Variants in CEP63 observed in about 807,000 individuals in gnomAD.
The protein encoded by CEP63 is centrosomal protein of 63 kDa.
Under a neutral mutation model 89.1 loss-of-function variants are expected in CEP63, and 84 were observed. The observed-to-expected ratio is 0.94, with a 90% CI of 0.79 to 1.13. CEP63 has a LOEUF of 1.13. Ranked by LOEUF, CEP63 falls within the 50% of genes most tolerant of loss-of-function variation. CEP63 has a pLI of 0.00. For synonymous variants in CEP63, 267 were observed against 272.5 expected (o/e 0.98, Z 0.20); for missense variants, 838 against 813.3 (o/e 1.03, Z -0.37).
At chr3:134,547,550 A>C in intron 9 of CEP63, 78 bp downstream of exon 9, 1 of 1,222,910 alleles carries the variant, frequency 8.2e-7, no homozygotes, top group Non-Finnish European at 1.2e-6. Flanking sequence ...AAATGAATGT[A>C]ATAGTCATAG....
chr3:134,628,993 A>G, the CEP63 span, among the ~76,000 whole-genome samples: 1 of 152,208 alleles, frequency 6.6e-6, no homozygotes, highest in Non-Finnish European at 1.5e-5. Context: ...TCTGTTACTT[A>G]ACCTGCATTC....
intron 6 of CEP63, among the ~76,000 whole-genome samples, chr3:134,539,082 C>T (rs1028939301): frequency 1.3e-5 from 2 of 151,992 alleles, no homozygotes; most frequent in South Asian, 2.1e-4. Context: ...TGTATTTATC[C>T]TTCTCCCTTA....
rs912210407 is a variant in CEP63, at chr3:134,559,285, C to T, written c.1809C>T (p.Ile603=). ...SRVLSPLSPQ[I]SPCSSTRSLT... is the part of the protein sequence containing the mutation. The stretch of plus-strand genomic sequence containing the variant: ...TGCTAAGCCCCCTGAGTCCTCAAAT[C>T]AGCCCTTGCAGCTCCACCAGGTCTT... The change falls in exon 14 of 15, where the codon ATC becomes ATT. Residue 603 remains isoleucine, a synonymous_variant. Transcript: ENST00000675561. 15 of 1,614,042 alleles carry T rather than the reference C, an allele frequency of 9.3e-6. No homozygotes were observed. Among genetic ancestry groups the T allele is most frequent in the Non-Finnish European group, 1.1e-5 (13 of 1,180,034 alleles).
the CEP63 span, among the ~76,000 whole-genome samples, chr3:134,752,103 G>C: frequency 6.6e-6 from 1 of 152,172 alleles, no homozygotes; most frequent in Non-Finnish European, 1.5e-5. Context: ...GAGCAGAGAA[G>C]AGGGCCAAGA....
chr3:134,579,301 C>G (rs1278355338), downstream of CEP63, among the ~76,000 whole-genome samples: 1 of 145,942 alleles, frequency 6.9e-6, no homozygotes, highest in African/African-American at 2.5e-5. Context: ...TGCACTTTAC[C>G]GGGAATAATG....
At chr3:134,722,928 G>T in the CEP63 span, among the ~76,000 whole-genome samples, 1 of 152,178 alleles carries the variant, frequency 6.6e-6, no homozygotes, top group African/African-American at 2.4e-5. Context: ...AGCAAAAGCT[G>T]ATAGCATGCC....
chr3:134,724,539 G>A, the CEP63 span, among the ~76,000 whole-genome samples: 1 of 152,202 alleles, frequency 6.6e-6, no homozygotes, highest in African/African-American at 2.4e-5. Flanking sequence ...AGAAGTAGGT[G>A]GGTAATGCAG....
the CEP63 span, chr3:134,603,572 A>G: frequency 1.0e-5 from 16 of 1,565,174 alleles, no homozygotes; most frequent in East Asian, 3.4e-4. Flanking sequence ...AGACCGGGGC[A>G]CAGCCCTCAC....
chr3:134,726,505 CAG>C, the CEP63 span, among the ~76,000 whole-genome samples: 1 of 150,834 alleles, frequency 6.6e-6, no homozygotes, highest in South Asian at 2.1e-4. Context: ...CACACACACA[CAG>C]AGCAAGAATG....
At chr3:134,723,242 G>T in the CEP63 span, among the ~76,000 whole-genome samples, 24 of 152,192 alleles carry the variant, frequency 1.6e-4, no homozygotes, top group African/African-American at 5.8e-4. Context: ...CCTTGACTTT[G>T]AAATTGGCCA....
chr3:134,679,214 A>G, the CEP63 span, among the ~76,000 whole-genome samples: 1 of 152,192 alleles, frequency 6.6e-6, no homozygotes, highest in Admixed American at 6.5e-5. Context: ...TTAATCTTCT[A>G]TATTTTCCTG....
intron 1 of CEP63, among the ~76,000 whole-genome samples, chr3:134,489,914 T>G (rs1347065636): frequency 6.6e-6 from 1 of 152,210 alleles, no homozygotes; most frequent in African/African-American, 2.4e-5. Flanking sequence ...ATACTCAAAT[T>G]GTTTCATCTT....
chr3:134,520,238 TA>T (rs1478371123), intron 3 of CEP63, among the ~76,000 whole-genome samples: 1 of 152,122 alleles, frequency 6.6e-6, no homozygotes, highest in Non-Finnish European at 1.5e-5. Context: ...TTTGCTGAGT[TA>T]AAGGTTAATT....
At chr3:134,548,749 C>T (rs1438144054) in intron 9 of CEP63, among the ~76,000 whole-genome samples, 1 of 152,180 alleles carries the variant, frequency 6.6e-6, no homozygotes, top group Non-Finnish European at 1.5e-5. Flanking sequence ...CATGCATACA[C>T]ACACATATTT....
intron 9 of CEP63, 110 bp downstream of exon 9, chr3:134,547,582 C>A: frequency 7.2e-6 from 4 of 557,274 alleles, no homozygotes; most frequent in East Asian, 5.8e-5. Flanking sequence ...AGATTTTTTT[C>A]TAGTATCCAC....
the CEP63 span, among the ~76,000 whole-genome samples, chr3:134,724,276 C>T: frequency 6.6e-6 from 1 of 152,214 alleles, no homozygotes; most frequent in Admixed American, 6.5e-5. Context: ...CTCTTCTGCT[C>T]TGTCAAACTT....
chr3:134,652,347 T>G, the CEP63 span, among the ~76,000 whole-genome samples: 1 of 152,102 alleles, frequency 6.6e-6, no homozygotes, highest in Non-Finnish European at 1.5e-5. Context: ...AGGAGAGATG[T>G]CACAGCCACA....
the CEP63 span, among the ~76,000 whole-genome samples, chr3:134,659,871 G>T: frequency 6.6e-6 from 1 of 152,206 alleles, no homozygotes; most frequent in Admixed American, 6.5e-5. Context: ...GATCCCAGGG[G>T]GCATGCGGGA....
the CEP63 span, among the ~76,000 whole-genome samples, chr3:134,689,470 G>T: frequency 8.4e-6 from 1 of 119,288 alleles, no homozygotes; most frequent in Non-Finnish European, 2.0e-5. Context: ...ATTATTATTT[G>T]AGACAGGGTC....
Sources: gnomAD v4.1 joint callset for allele counts (sites outside exome capture counted in the v4.1 genomes callset) on GRCh38, gnomAD v4.1.1 for gene constraint, MANE v1.5 for transcripts, NCBI Gene and HGNC (gene_info 2026-07-23, HGNC 2026-07-21) for gene names.